The following HYCC1 variants were observed in gnomAD, a reference collection of about 807,000 sequenced individuals.
HYCC1 encodes hyccin.
the HYCC1 span, among the ~76,000 whole-genome samples, chr7:22,898,599 CTTTTCTTTTT>C: frequency 1.1e-5 from 1 of 93,330 alleles, no homozygotes; most frequent in Non-Finnish European, 2.1e-5. Flanking sequence ...CTTTTCTTTT[CTTTTCTTTTT>C]TTTTTTTTTT....
At chr7:22,989,276 CA>C in the HYCC1 span, among the ~76,000 whole-genome samples, 18 of 143,634 alleles carry the variant, frequency 1.3e-4, no homozygotes, top group African/African-American at 4.7e-4. Flanking sequence ...AAAGATAACA[CA>C]AGCAGGAAAC....
the HYCC1 span, among the ~76,000 whole-genome samples, chr7:22,979,138 C>T: frequency 9.2e-5 from 14 of 152,182 alleles, no homozygotes; most frequent in South Asian, 2.7e-3. Flanking sequence ...TCACCTAAGG[C>T]AACAAATTTA....
At chr7:22,927,991 T>A in the HYCC1 span, among the ~76,000 whole-genome samples, 1 of 152,152 alleles carries the variant, frequency 6.6e-6, no homozygotes, top group Non-Finnish European at 1.5e-5. Context: ...TCCACCATGA[T>A]CAAGTGGGCT....
At chr7:22,935,446 T>C in the HYCC1 span, 3 of 152,176 alleles carry the variant, frequency 2.0e-5, no homozygotes, top group Non-Finnish European at 2.9e-5. Flanking sequence ...CTTACTCCTA[T>C]GGTGGAGCTT....
the HYCC1 span, among the ~76,000 whole-genome samples, chr7:22,904,683 T>C: frequency 6.6e-6 from 1 of 151,562 alleles, no homozygotes; most frequent in Non-Finnish European, 1.5e-5. Flanking sequence ...CCAGGCATGG[T>C]GGCTCATGAC....
the HYCC1 span, among the ~76,000 whole-genome samples, chr7:22,907,637 C>T: frequency 1.3e-5 from 2 of 152,226 alleles, no homozygotes; most frequent in South Asian, 2.1e-4. Context: ...CAGCTGGGTG[C>T]GGGGGCCCAC....
chr7:22,954,266 CATTATA>C, the HYCC1 span, among the ~76,000 whole-genome samples: 1 of 150,754 alleles, frequency 6.6e-6, no homozygotes, highest in Non-Finnish European at 1.5e-5. Flanking sequence ...AAAATACACC[CATTATA>C]ATTTTTCAGA....
At chr7:22,961,313 T>C in the HYCC1 span, 1 of 1,565,822 alleles carries the variant, frequency 6.4e-7, no homozygotes, top group South Asian at 1.1e-5. Flanking sequence ...GATCCCATTC[T>C]CCATTATAAC....
At chr7:23,003,216 T>C in the HYCC1 span, among the ~76,000 whole-genome samples, 35 of 152,210 alleles carry the variant, frequency 2.3e-4, no homozygotes, top group African/African-American at 7.5e-4. Context: ...TTTTTTTTTC[T>C]TATATTAAGG....
the HYCC1 span, among the ~76,000 whole-genome samples, chr7:22,968,395 G>C: frequency 6.6e-6 from 1 of 152,172 alleles, no homozygotes; most frequent in Non-Finnish European, 1.5e-5. Context: ...CATAGGAAAT[G>C]GCAGAATCCC....
the HYCC1 span, chr7:22,941,711 G>A: frequency 6.6e-6 from 1 of 152,046 alleles, no homozygotes; most frequent in South Asian, 2.1e-4. Flanking sequence ...AAGTATAGAA[G>A]ACAATATATT....
chr7:22,908,336 G>A, the HYCC1 span, among the ~76,000 whole-genome samples: 2 of 152,266 alleles, frequency 1.3e-5, no homozygotes, highest in Admixed American at 6.5e-5. Flanking sequence ...AATTTAAGTA[G>A]CTTGCTTTGG....
the HYCC1 span, among the ~76,000 whole-genome samples, chr7:22,903,287 A>G: frequency 2.6e-5 from 4 of 151,424 alleles, no homozygotes; most frequent in Non-Finnish European, 1.5e-5. Context: ...TAACAGCTTT[A>G]TTTGTAATAG....
chr7:23,009,087 A>G, the HYCC1 span, among the ~76,000 whole-genome samples: 1 of 152,134 alleles, frequency 6.6e-6, no homozygotes, highest in African/African-American at 2.4e-5. Context: ...ATTTGACAAA[A>G]GCCTAATAGT....
chr7:22,978,875 C>CT, the HYCC1 span, among the ~76,000 whole-genome samples: 1 of 152,262 alleles, frequency 6.6e-6, no homozygotes, highest in East Asian at 1.9e-4. Flanking sequence ...CATCTACAAC[C>CT]TTTTCCTCTC....
chr7:22,985,184 T>G, the HYCC1 span, among the ~76,000 whole-genome samples: 11 of 152,234 alleles, frequency 7.2e-5, no homozygotes, highest in Non-Finnish European at 5.9e-5. Flanking sequence ...ACATACATTA[T>G]TCCTTATATG....
the HYCC1 span, among the ~76,000 whole-genome samples, chr7:22,926,440 C>T: frequency 6.6e-6 from 1 of 152,136 alleles, no homozygotes; most frequent in East Asian, 1.9e-4. Context: ...GGAAACTCAT[C>T]TCACGTGCAG....
At chr7:22,898,578 TC>T in the HYCC1 span, among the ~76,000 whole-genome samples, 248 of 75,992 alleles carry the variant, frequency 3.3e-3, 1 homozygote, top group African/African-American at 0.011. Flanking sequence ...TCCAAATATT[TC>T]TTTTCTTTTC....
the HYCC1 span, among the ~76,000 whole-genome samples, chr7:22,963,888 A>G: frequency 5.9e-5 from 9 of 152,248 alleles, no homozygotes; most frequent in African/African-American, 2.2e-4. Flanking sequence ...AATGAGATAC[A>G]TATAATAAGA....
Sources: allele counts gnomAD v4.1 joint callset (sites outside exome capture counted in the v4.1 genomes callset), GRCh38; gene constraint gnomAD v4.1.1; transcripts MANE v1.5; gene names NCBI Gene and HGNC (gene_info 2026-07-23, HGNC 2026-07-21).